Variants in SYNPR observed in about 807,000 individuals in gnomAD.
SYNPR encodes the protein synaptoporin.
SYNPR carries 23 observed loss-of-function variants against 32.9 expected under a neutral mutation model. That is an observed-to-expected ratio of 0.70 (90% CI 0.50 to 0.99). The LOEUF (loss-of-function observed/expected upper bound fraction) is 0.99. SYNPR is among the 50% of genes least tolerant of loss of function. The pLI is 0.00. For synonymous variants in SYNPR, 146 were observed against 135.9 expected (o/e 1.07, Z -0.52); for missense variants, 318 against 349.3 (o/e 0.91, Z 0.71).
intron 3 of SYNPR, among the ~76,000 whole-genome samples, chr3:63,484,234 C>A (rs1701101678): frequency 6.6e-6 from 1 of 152,062 alleles, no homozygotes. Flanking sequence ...CCATTTGTCA[C>A]CTTATTTTCC....
intron 1 of SYNPR, among the ~76,000 whole-genome samples, chr3:63,241,527 C>T (rs1347635535): frequency 6.6e-6 from 1 of 152,000 alleles, no homozygotes; most frequent in Non-Finnish European, 1.5e-5. Context: ...GGGGGTAAGA[C>T]CACCAGGAAT....
intron 4 of SYNPR, among the ~76,000 whole-genome samples, chr3:63,601,244 G>A (rs1202036530): frequency 2.0e-5 from 3 of 150,794 alleles, no homozygotes; most frequent in Non-Finnish European, 4.4e-5. Context: ...TTGCACTCCA[G>A]CCTGGGCAAC....
intron 2 of SYNPR, among the ~76,000 whole-genome samples, chr3:63,367,147 T>C (rs914177998): frequency 2.6e-5 from 4 of 152,088 alleles, no homozygotes; most frequent in Admixed American, 6.6e-5. Context: ...CCCAGCAAAT[T>C]TGAGATTGTT....
At chr3:63,383,781 T>C (rs1368672947) in intron 2 of SYNPR, among the ~76,000 whole-genome samples, 1 of 152,166 alleles carries the variant, frequency 6.6e-6, no homozygotes, top group Admixed American at 6.5e-5. Flanking sequence ...TTCATAAAAA[T>C]CTCCTCTATA....
chr3:63,323,166 G>T (rs1025593457), intron 2 of SYNPR, among the ~76,000 whole-genome samples: 4 of 152,034 alleles, frequency 2.6e-5, no homozygotes, highest in African/African-American at 9.7e-5. Flanking sequence ...AAGAGCTTTT[G>T]ATGTTTGTTT....
rs1300932767 is a variant in SYNPR, at chr3:63,288,595, A to G, written c.84+9853A>G. ...CATTTGTTGAAAACCTCTTTTTAAG[A>G]GAAATGATTAGGTTTTGCCTAATGA... On this transcript the variant is annotated intron_variant, in intron 2 of 5. Coordinates refer to ENST00000478300, the MANE Select transcript of SYNPR (RefSeq NM_001130003.2). 2.0e-5 allele frequency among the ~76,000 whole-genome samples: 3 copies of G among 152,228 alleles called. No individual in the cohort carries two copies. The East Asian group carries it at 5.8e-4, about 29-fold the overall frequency.
intron 4 of SYNPR, among the ~76,000 whole-genome samples, chr3:63,579,788 A>AACACACACAC (rs59802344): frequency 6.8e-6 from 1 of 146,096 alleles, no homozygotes; most frequent in African/African-American, 2.5e-5. Flanking sequence ...ATTTAACTAA[A>AACACACACAC]ACACACACAC....
chr3:63,406,170 C>A (rs1430115566), intron 2 of SYNPR, among the ~76,000 whole-genome samples: 1 of 151,078 alleles, frequency 6.6e-6, no homozygotes, highest in Non-Finnish European at 1.5e-5. Context: ...GGATAACATT[C>A]AAGTCTTGAG....
At chr3:63,554,702 T>G (rs185369912) in intron 3 of SYNPR, among the ~76,000 whole-genome samples, 3 of 151,330 alleles carry the variant, frequency 2.0e-5, no homozygotes, top group Middle Eastern at 3.4e-3. Context: ...GCTCTTTTTT[T>G]GGGTTCCATA....
chr3:63,477,271 G>A (rs1395370719), intron 2 of SYNPR, among the ~76,000 whole-genome samples: 2 of 152,250 alleles, frequency 1.3e-5, no homozygotes, highest in East Asian at 3.9e-4. Flanking sequence ...TACGGGACCA[G>A]GCCACTGGCA....
At chr3:63,519,507 T>A (rs1383993067) in intron 3 of SYNPR, among the ~76,000 whole-genome samples, 1 of 152,224 alleles carries the variant, frequency 6.6e-6, no homozygotes, top group Non-Finnish European at 1.5e-5. Flanking sequence ...TGCTCCTTGT[T>A]GCCTCAGCTC....
chr3:63,386,627 CCTTT>C (rs904324190), intron 2 of SYNPR, among the ~76,000 whole-genome samples: 1 of 151,694 alleles, frequency 6.6e-6, no homozygotes, highest in Admixed American at 6.6e-5. Context: ...TTCCTTCCTT[CCTTT>C]CTTTATTTTC....
At chr3:63,452,536 G>C (rs1700397484) in intron 2 of SYNPR, among the ~76,000 whole-genome samples, 1 of 152,136 alleles carries the variant, frequency 6.6e-6, no homozygotes, top group Non-Finnish European at 1.5e-5. Context: ...TGATACACCA[G>C]GACAAGATGC....
Position 63,553,222 on chromosome 3 carries a change from G to T in SYNPR, c.210-3321G>T, listed in dbSNP as rs1260790120. Among the ~76,000 whole-genome samples, 4 of 152,136 alleles carry T rather than the reference G, an allele frequency of 2.6e-5. No homozygotes were observed. The East Asian group carries it at 7.7e-4, about 29-fold the overall frequency. The stretch of plus-strand genomic sequence containing the variant: ...TTCTGCCCCTGCCTTAGTTTGCTTA[G>T]GATTATGGCCTCCAACTCCATTCAT... On this transcript the variant is annotated intron_variant, in intron 3 of 5. Coordinates refer to ENST00000478300, the MANE Select transcript of SYNPR (RefSeq NM_001130003.2).
chr3:63,343,980 G>A (rs977330742), intron 2 of SYNPR, among the ~76,000 whole-genome samples: 2 of 152,160 alleles, frequency 1.3e-5, no homozygotes, highest in African/African-American at 2.4e-5. Context: ...CCAAACCCCC[G>A]AGTGAAGCCT....
chr3:63,572,632 T>C (rs1024410915), intron 4 of SYNPR, among the ~76,000 whole-genome samples: 3 of 152,144 alleles, frequency 2.0e-5, no homozygotes, highest in African/African-American at 7.2e-5. Flanking sequence ...TTTGTGAAAG[T>C]GGAAAATAAT....
At chr3:63,279,459 A>T (rs183764498) in intron 2 of SYNPR, among the ~76,000 whole-genome samples, 1 of 152,178 alleles carries the variant, frequency 6.6e-6, no homozygotes, top group Non-Finnish European at 1.5e-5. Flanking sequence ...CACTTCCGTG[A>T]AACCACCCTG....
At chr3:63,343,669 T>A (rs1039316537) in intron 2 of SYNPR, among the ~76,000 whole-genome samples, 10 of 152,354 alleles carry the variant, frequency 6.6e-5, no homozygotes, top group Non-Finnish European at 1.5e-4. Context: ...TATTGTGGCT[T>A]TTCTTCGACA....
intron 2 of SYNPR, among the ~76,000 whole-genome samples, chr3:63,302,355 A>G (rs1412676184): frequency 1.3e-5 from 2 of 152,046 alleles, no homozygotes; most frequent in Non-Finnish European, 2.9e-5. Flanking sequence ...TCCTTATGCC[A>G]GGTAATATGT....
Sources: gnomAD v4.1 joint callset for allele counts (sites outside exome capture counted in the v4.1 genomes callset) on GRCh38, gnomAD v4.1.1 for gene constraint, MANE v1.5 for transcripts, NCBI Gene and HGNC (gene_info 2026-07-23, HGNC 2026-07-21) for gene names.